SULF2: variants seen among roughly 807,000 people sequenced by gnomAD.
SULF2 encodes the protein extracellular sulfatase Sulf-2.
In SULF2, 52 loss-of-function variants were observed where a neutral mutation model predicts 107.7. That is an observed-to-expected ratio of 0.48 (90% CI 0.39 to 0.61). The LOEUF (loss-of-function observed/expected upper bound fraction) is 0.61. Among genes scored for constraint, SULF2 ranks in the 20% least tolerant of loss-of-function variants. The pLI is 0.00. For synonymous variants in SULF2, 460 were observed against 464.3 expected (o/e 0.99, Z 0.12); for missense variants, 993 against 1,177.3 (o/e 0.84, Z 2.29).
At chr20:47,709,180 T>C (rs1431581612) in intron 3 of SULF2, among the ~76,000 whole-genome samples, 1 of 152,144 alleles carries the variant, frequency 6.6e-6, no homozygotes, top group Admixed American at 6.5e-5. Flanking sequence ...CCAGCCCAAA[T>C]TGTGGCAGGT....
At position 47,661,906 on chromosome 20, in the gene SULF2, A is replaced by C. The variant is rs113134826; in HGVS notation, c.2371-10T>G. On this transcript the variant is annotated splice_polypyrimidine_tract_variant and intron_variant, in intron 17 of 20. Coordinates refer to ENST00000688720, the MANE Select transcript of SULF2 (RefSeq NM_001387048.1). ...TCACTGCATTCATCAGCTGGTTGCAAAAAAGGTAGTCTGTCAACAAGGTAA... is the reference window on the plus strand; with the variant it reads ...TCACTGCATTCATCAGCTGGTTGCACAAAAGGTAGTCTGTCAACAAGGTAA... 104 of 1,540,774 alleles carry C rather than the reference A, an allele frequency of 6.7e-5. 3 individuals are homozygous for C. In the African/African-American group the frequency reaches 7.5e-4, roughly 11 times the overall value.
chr20:47,660,976 T>C (rs1165902864), intron 18 of SULF2, among the ~76,000 whole-genome samples: 3 of 152,094 alleles, frequency 2.0e-5, no homozygotes, highest in African/African-American at 7.2e-5. Flanking sequence ...CCACCACCAT[T>C]TCTCCCTGGA....
At position 47,739,649 on chromosome 20, in the gene SULF2, G is replaced by A. The variant is rs1394313410; in HGVS notation, c.176-2707C>T. Among the ~76,000 whole-genome samples, 6 of 152,188 alleles carry A rather than the reference G, an allele frequency of 3.9e-5. No homozygotes were observed. In the East Asian group the frequency reaches 1.2e-3, roughly 29 times the overall value. ...TCCGTGTCTCTCCACAGCAGTTACT[G>A]TCCTCAAACATAAGTCATTTTGATT... On this transcript the variant is annotated intron_variant, in intron 2 of 20. Transcript: ENST00000688720.
chr20:47,665,709 ATCCCCGCGTTGAGGAATCTGTGGGGACC>A, intron 13 of SULF2, 120 bp downstream of exon 13: 1 of 659,702 alleles, frequency 1.5e-6, no homozygotes, highest in Non-Finnish European at 2.7e-6. Context: ...ACTGACACCT[ATCCCCGCGTTGAGGAATCTGTGGGGACC>A]TCACTTCACC....
intron 10 of SULF2, among the ~76,000 whole-genome samples, chr20:47,673,945 C>T (rs543454849): frequency 1.3e-5 from 2 of 152,356 alleles, no homozygotes; most frequent in South Asian, 4.1e-4. Context: ...GCCTGGAATT[C>T]TCCTTCCCCA....
intron 3 of SULF2, among the ~76,000 whole-genome samples, chr20:47,724,983 G>A (rs1206390407): frequency 6.6e-6 from 1 of 152,116 alleles, no homozygotes; most frequent in Non-Finnish European, 1.5e-5. Flanking sequence ...AATCTACAGG[G>A]AAAATAAAAG....
intron 1 of SULF2, among the ~76,000 whole-genome samples, chr20:47,784,076 C>A (rs370327130): frequency 6.6e-6 from 1 of 152,108 alleles, no homozygotes; most frequent in South Asian, 2.1e-4. Context: ...TTGGAGAGCG[C>A]GCAGATCCGG....
At chr20:47,663,424 C>T (rs1487226091) in intron 16 of SULF2, 29 bp downstream of exon 16, 1 of 1,604,402 alleles carries the variant, frequency 6.2e-7, no homozygotes. Flanking sequence ...GGGCCTCAGC[C>T]TGTCCACCCC....
At position 47,784,508 on chromosome 20, in the gene SULF2, AAC is replaced by A. The variant is rs1400760241; in HGVS notation, c.-101+833_-101+834del. On this transcript the variant is annotated intron_variant, in intron 1 of 20. Coordinates refer to ENST00000688720, the MANE Select transcript of SULF2 (RefSeq NM_001387048.1). Reference sequence around the variant, plus strand: ...AGTTGCGGACCGAGGCCAGTGTGCAAACTAGGATTGCAGGCTTCCCTTTCCAT... The same window carrying A: ...AGTTGCGGACCGAGGCCAGTGTGCAATAGGATTGCAGGCTTCCCTTTCCAT... Among the ~76,000 whole-genome samples, 3 of 151,668 alleles carry A rather than the reference AAC, an allele frequency of 2.0e-5. No individual in the cohort carries two copies. In the East Asian group the frequency reaches 5.8e-4, roughly 29 times the overall value.
intron 1 of SULF2, among the ~76,000 whole-genome samples, chr20:47,783,830 G>T (rs1481578473): frequency 1.3e-5 from 2 of 152,156 alleles, no homozygotes; most frequent in African/African-American, 4.8e-5. Flanking sequence ...TTATTAGAAC[G>T]CTAAATTACA....
chr20:47,728,794 C>T (rs1000747414), intron 3 of SULF2, among the ~76,000 whole-genome samples: 2 of 152,176 alleles, frequency 1.3e-5, no homozygotes, highest in African/African-American at 4.8e-5. Flanking sequence ...TACAGGCTTG[C>T]GCCACCACAT....
rs539528050 is a variant in SULF2 at position 47,765,227 on chromosome 20, C to T, written c.-100-7764G>A. 1.8e-4 allele frequency among the ~76,000 whole-genome samples: 28 copies of T among 151,878 alleles called. No homozygotes were observed. The South Asian group carries it at 4.2e-3, about 23-fold the overall frequency. ...AAAATTAGCTGGGCGTGGTGGCGGG[C>T]GCCTGTAGTCCCAGCTACTTGGGAG... On this transcript the variant is annotated intron_variant, in intron 1 of 20. Transcript: ENST00000688720.
At chr20:47,720,985 G>C (rs901568559) in intron 3 of SULF2, among the ~76,000 whole-genome samples, 2 of 152,114 alleles carry the variant, frequency 1.3e-5, no homozygotes, top group African/African-American at 2.4e-5. Flanking sequence ...TTTTTTGGCA[G>C]ACAAATTGGC....
chr20:47,738,066 C>T (rs1390060064), intron 2 of SULF2, among the ~76,000 whole-genome samples: 1 of 152,146 alleles, frequency 6.6e-6, no homozygotes. Flanking sequence ...GTTTCTCAAC[C>T]AAGCTGTAAG....
At position 47,702,546 on chromosome 20, in the gene SULF2, T is replaced by A. The variant is rs757066223; in HGVS notation, c.540A>T (p.Lys180Asn). The A allele has an allele frequency of 6.2e-7, 1 of 1,612,836 alleles. No individual in the cohort carries two copies. Among genetic ancestry groups the A allele is most frequent in the South Asian group, 1.1e-5 (1 of 91,008 alleles). ...YNYTLCRNGVKEKHGSDYSKD... is the reference protein window; with the variant it reads ...YNYTLCRNGVNEKHGSDYSKD... ...TGGAGTAGTCGGAGCCGTGCTTCTC[T>A]TTCACCCCGTTCCGACACAGCGTGT... The change falls in exon 4 of 21, where the codon AAA (lysine) becomes AAT (asparagine). Residue 180 changes from lysine to asparagine, a missense_variant. By Grantham distance (94) the Lys-to-Asn change is moderately conservative. Coordinates refer to ENST00000688720, the MANE Select transcript of SULF2 (RefSeq NM_001387048.1).
chr20:47,772,426 G>A (rs1301274343), intron 1 of SULF2, among the ~76,000 whole-genome samples: 1 of 150,936 alleles, frequency 6.6e-6, no homozygotes, highest in African/African-American at 2.4e-5. Context: ...GCCATACTTA[G>A]ATGGCAACAG....
intron 1 of SULF2, among the ~76,000 whole-genome samples, chr20:47,763,754 G>A (rs772842747): frequency 2.0e-5 from 3 of 152,156 alleles, no homozygotes; most frequent in Non-Finnish European, 4.4e-5. Context: ...TTCAGTGATA[G>A]GAGAATCCTG....
At chr20:47,714,846 T>C (rs1311444517) in intron 3 of SULF2, among the ~76,000 whole-genome samples, 3 of 152,232 alleles carry the variant, frequency 2.0e-5, no homozygotes, top group Non-Finnish European at 4.4e-5. Context: ...CCCTTGCTGT[T>C]ACCTGAAAGA....
At position 47,663,585 on chromosome 20, in the gene SULF2, G is replaced by A. The variant is rs747450277; in HGVS notation, c.2095C>T (p.Arg699Trp). The change falls in exon 16 of 21, where the codon CGG becomes TGG. Residue 699 changes from arginine to tryptophan, a missense_variant. Arg to Trp is a moderately radical substitution (Grantham distance 101). Around this residue, in one of 3 missense-constraint regions of SULF2, gnomAD observed 497 missense variants for 544.1 expected, o/e 0.91. Coordinates refer to ENST00000688720, the MANE Select transcript of SULF2 (RefSeq NM_001387048.1). Reference sequence around the variant, plus strand: ...AGTTTCTTCTTGCGCTTCTGCTCCCGCAACAGCCACACCTTGTCCTTCTCT... The same window carrying A: ...AGTTTCTTCTTGCGCTTCTGCTCCCACAACAGCCACACCTTGTCCTTCTCT... Reference protein sequence around the residue: ...LQEKDKVWLLREQKRKKKLRK... With the variant: ...LQEKDKVWLLWEQKRKKKLRK... 23 of 1,607,654 alleles carry A rather than the reference G, an allele frequency of 1.4e-5. No homozygotes were observed. The highest frequency in any genetic ancestry group is 1.7e-4 in the Middle Eastern group (1 of 6,042).
Sources: allele counts gnomAD v4.1 joint callset (sites outside exome capture counted in the v4.1 genomes callset), GRCh38; gene constraint gnomAD v4.1.1; regional missense constraint gnomAD v4.1.1; transcripts MANE v1.5; gene names NCBI Gene and HGNC (gene_info 2026-07-23, HGNC 2026-07-21).